The following ASH1L variants were observed in gnomAD, a reference collection of about 807,000 sequenced individuals.
ASH1L encodes the protein ASH1 like histone lysine methyltransferase.
A neutral mutation model predicts 269.0 loss-of-function variants in ASH1L; 23 were observed. The ratio of observed to expected loss-of-function variants is 0.09; its 90% CI spans 0.06 to 0.12. The LOEUF (loss-of-function observed/expected upper bound fraction) is 0.12, where lower values mean the gene tolerates loss of function less well. Among genes scored for constraint, ASH1L ranks in the 10% least tolerant of loss-of-function variants. The pLI is 1.00. For missense variants in ASH1L, 2,912 were observed against 3,567.8 expected, an observed-to-expected ratio of 0.82 and a Z score of 4.68; for synonymous variants, 1,187 against 1,253.5, an observed-to-expected ratio of 0.95 and a Z score of 1.12.
intron 7 of ASH1L, among the ~76,000 whole-genome samples, chr1:155,386,011 A>G (rs1356352834): frequency 6.6e-6 from 1 of 151,832 alleles, no homozygotes; most frequent in African/African-American, 2.4e-5. Context: ...AGGGAGAGAC[A>G]TATGATTGTT....
intron 7 of ASH1L, among the ~76,000 whole-genome samples, chr1:155,387,537 C>A (rs1297183226): frequency 6.6e-6 from 1 of 151,988 alleles, no homozygotes; most frequent in Non-Finnish European, 1.5e-5. Context: ...TTACTGTAGC[C>A]CTGTAGTATA....
chr1:155,369,724 T>C (rs1481988300), intron 12 of ASH1L, among the ~76,000 whole-genome samples: 1 of 152,158 alleles, frequency 6.6e-6, no homozygotes, highest in Admixed American at 6.6e-5. Flanking sequence ...AGATGATCCA[T>C]GTAACACAGT....
chr1:155,440,446 A>C (rs1662462484), intron 4 of ASH1L: 3 of 315,664 alleles, frequency 9.5e-6, no homozygotes, highest in Non-Finnish European at 1.4e-5. Flanking sequence ...AACTCCATTA[A>C]ATTTAACTGC....
At chr1:155,361,380 G>C (rs1212913067) in intron 12 of ASH1L, among the ~76,000 whole-genome samples, 1 of 151,870 alleles carries the variant, frequency 6.6e-6, no homozygotes, top group Non-Finnish European at 1.5e-5. Context: ...AGCCGGGCAT[G>C]GTGGTGTGCA....
At chr1:155,557,269 TA>T (rs201615062) in intron 1 of ASH1L, among the ~76,000 whole-genome samples, 7 of 151,834 alleles carry the variant, frequency 4.6e-5, no homozygotes, top group African/African-American at 9.7e-5. Context: ...TTTATTTATT[TA>T]TTTTTTTTTT....
At chr1:155,398,825 G>A (rs1263778169) in intron 6 of ASH1L, among the ~76,000 whole-genome samples, 4 of 152,074 alleles carry the variant, frequency 2.6e-5, no homozygotes, top group Middle Eastern at 3.4e-3. Context: ...TGAACCTCTC[G>A]CCTCAGCCTC....
At chr1:155,383,084 T>TA (rs1657122990) in intron 7 of ASH1L, among the ~76,000 whole-genome samples, 1 of 152,216 alleles carries the variant, frequency 6.6e-6, no homozygotes, top group African/African-American at 2.4e-5. Flanking sequence ...ATAAAGCTTA[T>TA]AAAATAAGGA....
intron 6 of ASH1L, among the ~76,000 whole-genome samples, chr1:155,402,643 G>C (rs186503881): frequency 6.6e-6 from 1 of 152,174 alleles, no homozygotes; most frequent in Admixed American, 6.6e-5. Context: ...AACTCCTAAG[G>C]CTCAAGCAAT....
At chr1:155,451,620 G>A (rs189074677) in intron 4 of ASH1L, among the ~76,000 whole-genome samples, 20 of 152,156 alleles carry the variant, frequency 1.3e-4, no homozygotes, top group Admixed American at 9.2e-4. Flanking sequence ...ATTGGCTGGC[G>A]TGGTGGTGGA....
chr1:155,518,496 C>T (rs1204838370), intron 2 of ASH1L, among the ~76,000 whole-genome samples: 1 of 151,946 alleles, frequency 6.6e-6, no homozygotes, highest in Admixed American at 6.6e-5. Flanking sequence ...ATCCTATATA[C>T]AGATTATATA....
rs534306701 is a variant in ASH1L at position 155,426,894 on chromosome 1, G to A, written c.5829-10971C>T. On this transcript the variant is annotated intron_variant, in intron 5 of 27. Coordinates refer to ENST00000392403, the MANE Select transcript of ASH1L (RefSeq NM_018489.3). ...CTGGGAGTTGATTTTTTGTATAGAG[G>A]ATAAGACAGAATCCAATTTCCTTCT... 5.9e-5 allele frequency among the ~76,000 whole-genome samples: 9 copies of A among 152,200 alleles called. No homozygotes were observed. In the South Asian group the frequency reaches 1.5e-3, roughly 25 times the overall value.
At chr1:155,499,676 G>A (rs759056583) in intron 2 of ASH1L, among the ~76,000 whole-genome samples, 7 of 152,130 alleles carry the variant, frequency 4.6e-5, no homozygotes, top group African/African-American at 9.7e-5. Context: ...TTGAGCAGCC[G>A]TATGTGAGGA....
chr1:155,410,813 C>T (rs934362300), intron 6 of ASH1L, among the ~76,000 whole-genome samples: 3 of 149,504 alleles, frequency 2.0e-5, no homozygotes, highest in African/African-American at 7.4e-5. Flanking sequence ...GCTATGTTGC[C>T]CAGGTTGGTC....
rs1352318506 is a variant in ASH1L at position 155,357,395 on chromosome 1, C to G, written c.6976G>C (p.Glu2326Gln). ...GTGTTGATATTTTCACTGGGTTCCTCAGAGAGATGGCCTCTCTGAAAAAGA... is the reference window on the plus strand; with the variant it reads ...GTGTTGATATTTTCACTGGGTTCCTGAGAGAGATGGCCTCTCTGAAAAAGA... ...KLKKRRGHLS[E>Q]EPSENINTPT... Residue 2326 changes from glutamate to glutamine, a missense_variant, in exon 15 of 28, where the codon GAG becomes CAG. Around this residue, in one of 13 missense-constraint regions of ASH1L, gnomAD observed 309 missense variants for 435.1 expected, o/e 0.71. Transcript: ENST00000392403. The G allele has an allele frequency of 1.2e-6, 2 of 1,613,630 alleles. No individual in the cohort carries two copies. The highest frequency in any genetic ancestry group is 8.5e-7 in the Non-Finnish European group (1 of 1,179,764).
chr1:155,344,806 A>G (rs1433420491), intron 21 of ASH1L, among the ~76,000 whole-genome samples: 1 of 152,158 alleles, frequency 6.6e-6, no homozygotes, highest in East Asian at 1.9e-4. Context: ...CCTCTCTCCT[A>G]TGAAGTGAGC....
intron 2 of ASH1L, among the ~76,000 whole-genome samples, chr1:155,489,711 T>C (rs1285784309): frequency 6.6e-6 from 1 of 151,198 alleles, no homozygotes; most frequent in African/African-American, 2.4e-5. Flanking sequence ...TGAGCTGACA[T>C]TGCACCACTG....
intron 1 of ASH1L, among the ~76,000 whole-genome samples, chr1:155,535,647 TAA>T (rs767295479): frequency 3.0e-4 from 40 of 131,446 alleles, no homozygotes; most frequent in Non-Finnish European, 2.5e-4. Flanking sequence ...CCCCATCTCT[TAA>T]AAAAAAAAAA....
chr1:155,420,669 G>C (rs2148558916), intron 5 of ASH1L, among the ~76,000 whole-genome samples: 1 of 151,152 alleles, frequency 6.6e-6, no homozygotes, highest in South Asian at 2.1e-4. Flanking sequence ...TGGCCAACAT[G>C]GTGAAACTCC....
At chr1:155,489,689 C>G (rs1195594778) in intron 2 of ASH1L, among the ~76,000 whole-genome samples, 3 of 151,508 alleles carry the variant, frequency 2.0e-5, no homozygotes, top group African/African-American at 7.3e-5. Context: ...ACCTGGGAGG[C>G]GGAGCTTGCG....
Sources: allele counts gnomAD v4.1 joint callset (sites outside exome capture counted in the v4.1 genomes callset), GRCh38; gene constraint gnomAD v4.1.1; regional missense constraint gnomAD v4.1.1; transcripts MANE v1.5; gene names NCBI Gene and HGNC (gene_info 2026-07-23, HGNC 2026-07-21).